The following COX5B variants were observed in gnomAD, a reference collection of about 807,000 sequenced individuals.
The protein encoded by COX5B is cytochrome c oxidase subunit 5B, mitochondrial.
COX5B carries 8 observed loss-of-function variants against 16.2 expected under a neutral mutation model. That is an observed-to-expected ratio of 0.49 (90% CI 0.29 to 0.89). COX5B has a LOEUF of 0.89. Among genes scored for constraint, COX5B ranks in the 40% least tolerant of loss-of-function variants. The probability of loss-of-function intolerance (pLI) is 0.08; values close to 1 mark genes in which losing one functional copy is unlikely to be tolerated. For missense variants in COX5B, 161 were observed against 168.7 expected (o/e 0.95, Z 0.25); for synonymous variants, 65 against 67.6 (o/e 0.96, Z 0.19).
chr2:97,646,120 C>G lies in COX5B; in HGVS notation c.34C>G (p.Leu12Val). 3.2e-6 allele frequency: 5 copies of G among 1,557,482 alleles called. No homozygotes were observed. Among genetic ancestry groups the G allele is most frequent in the Non-Finnish European group, 4.3e-6 (5 of 1,150,370 alleles). The change falls in exon 1 of 4, where the codon CTG becomes GTG. Residue 12 changes from leucine to valine, a missense_variant. Coordinates refer to ENST00000258424, the MANE Select transcript of COX5B (RefSeq NM_001862.3). ...AAGGTTACTTCGCGGAGCTGGAACG[C>G]TGGCCGCGCAGGCCCTGAGGGCTCG... ...ASRLLRGAGTLAAQALRARGP... is the reference protein window; with the variant it reads ...ASRLLRGAGTVAAQALRARGP...
chr2:97,648,036 C>G lies in COX5B; in HGVS notation c.318C>G (p.His106Gln). Residue 106 changes from histidine (H) to glutamine (Q), a missense_variant, in exon 4 of 4, where the codon CAC (histidine) becomes CAG (glutamine). Coordinates refer to ENST00000258424, the MANE Select transcript of COX5B (RefSeq NM_001862.3). ...DNTSVVWFWL[H>Q]KGEAQRCPRC... is the part of the protein sequence containing the mutation. ...CCAGCGTCGTCTGGTTTTGGCTGCA[C>G]AAAGGCGAGGCCCAGCGATGCCCCC... The G allele has an allele frequency of 6.2e-7, 1 of 1,613,828 alleles. No homozygotes were observed. The highest frequency in any genetic ancestry group is 8.5e-7 in the Non-Finnish European group (1 of 1,179,910).
Position 97,647,052 on chromosome 2 carries a change from G to C in COX5B, c.104-15G>C. On this transcript the variant is annotated splice_polypyrimidine_tract_variant and intron_variant, in intron 1 of 3. Coordinates refer to ENST00000258424, the MANE Select transcript of COX5B (RefSeq NM_001862.3). ...CATTTCAGTCAGCGTCATAATTCAC[G>C]TTATCTTCCTTTAGGTGGTGTTCCC... 6.2e-7 allele frequency: 1 copy of C among 1,613,142 alleles called. No individual in the cohort carries two copies. Among genetic ancestry groups the C allele is most frequent in the Non-Finnish European group, 8.5e-7 (1 of 1,179,210 alleles).
Position 97,648,166 on chromosome 2 carries a change from T to A in COX5B, c.*58T>A. The A allele has an allele frequency of 7.2e-7, 1 of 1,396,818 alleles. No homozygotes were observed. The highest frequency in any genetic ancestry group is 9.7e-7 in the Non-Finnish European group (1 of 1,028,936). The allele number at this position is 1,396,818 out of a possible 1,614,324, so 86.5% of individuals were successfully genotyped here. A position where few individuals can be genotyped will look rare whatever the true frequency, so the allele number is the denominator to read the frequency against. ...AAAGTTTCTTCTTTCCAGTAAAGAC[T>A]AGCCATTGCATTGGCTCCTTCTCCC... is the stretch of plus-strand genomic sequence containing the variant. On this transcript the variant is annotated 3_prime_UTR_variant, in exon 4 of 4. Transcript: ENST00000258424.
At chr2:97,646,930 A>C (rs1385393299) in intron 1 of COX5B, 137 bp from the exon 2 acceptor site, 6 of 757,644 alleles carry the variant, frequency 7.9e-6, no homozygotes, top group Non-Finnish European at 1.3e-5. Context: ...CATGGATATG[A>C]GTAGCCTTTA....
chr2:97,648,212 C>T lies in COX5B; in HGVS notation c.*104C>T. ...CTCCCATAGATGGCTGGTCTTATTT[C>T]TTACCCGTATTCTTTGGTAGGCATG... On this transcript the variant is annotated 3_prime_UTR_variant, in exon 4 of 4. Transcript: ENST00000258424. The T allele has an allele frequency of 2.1e-6, 2 of 972,654 alleles. No homozygotes were observed. The highest frequency in any genetic ancestry group is 3.3e-4 in the Middle Eastern group (1 of 2,994). The allele number at this position is 972,654 out of a possible 1,614,324, so 60.3% of individuals were successfully genotyped here. A position where few individuals can be genotyped will look rare whatever the true frequency, so the allele number is the denominator to read the frequency against.
At position 97,648,225 on chromosome 2, in the gene COX5B, T is replaced by C. The variant is rs1674691130; in HGVS notation, c.*117T>C. On this transcript the variant is annotated 3_prime_UTR_variant, in exon 4 of 4. Coordinates refer to ENST00000258424, the MANE Select transcript of COX5B (RefSeq NM_001862.3). The stretch of plus-strand genomic sequence containing the variant: ...CTGGTCTTATTTCTTACCCGTATTC[T>C]TTGGTAGGCATGGAATATGCTTATT... 5.7e-6 allele frequency: 5 copies of C among 873,384 alleles called. No individual in the cohort carries two copies. In the Admixed American group the frequency reaches 1.6e-4, roughly 28 times the overall value. 54.1% of individuals were successfully genotyped at this position (873,384 alleles called of 1,614,324 possible). A position where few individuals can be genotyped will look rare whatever the true frequency, so the allele number is the denominator to read the frequency against.
intron 1 of COX5B, chr2:97,646,583 C>T (rs1674657163): frequency 4.8e-6 from 1 of 209,430 alleles, no homozygotes. Flanking sequence ...CGCGGTGGCT[C>T]ACAACTGTAA....
chr2:97,647,961 T>C, intron 3 of COX5B, 35 bp from the exon 4 acceptor site: 3 of 1,583,078 alleles, frequency 1.9e-6, no homozygotes, highest in East Asian at 2.2e-5. Context: ...CCTTTCTAGG[T>C]TGGATGACCA....
At chr2:97,647,013 GT>G in intron 1 of COX5B, 53 bp from the exon 2 acceptor site, 1 of 1,573,916 alleles carries the variant, frequency 6.4e-7, no homozygotes, top group Admixed American at 1.7e-5. Flanking sequence ...TCTGTTTGTA[GT>G]TTTTCTATCA....
At position 97,646,154 on chromosome 2, in the gene COX5B, G is replaced by A; in HGVS notation, c.68G>A (p.Ser23Asn). ...CAGGCCCTGAGGGCTCGCGGCCCCA[G>A]TGGCGCGGCCGCGATGCGCTCCATG... ...AAQALRARGP[S>N]GAAAMRSMAS... is the part of the protein sequence containing the mutation. Residue 23 changes from serine to asparagine, a missense_variant, in exon 1 of 4, where the codon AGT (serine) becomes AAT (asparagine). Coordinates refer to ENST00000258424, the MANE Select transcript of COX5B (RefSeq NM_001862.3). The A allele has an allele frequency of 6.4e-7, 1 of 1,553,564 alleles. No individual in the cohort carries two copies. The highest frequency in any genetic ancestry group is 8.7e-7 in the Non-Finnish European group (1 of 1,148,274).
At chr2:97,646,414 G>C (rs1270468134) in intron 1 of COX5B, 1 of 538,112 alleles carries the variant, frequency 1.9e-6, no homozygotes, top group Non-Finnish European at 3.3e-6. Flanking sequence ...GAGGTGCCGG[G>C]TGACCTTGGG....
intron 3 of COX5B, 78 bp downstream of exon 3, chr2:97,647,521 G>C (rs1674680438): frequency 1.7e-6 from 2 of 1,203,476 alleles, no homozygotes; most frequent in East Asian, 4.7e-5. Context: ...CAAATCTTCA[G>C]TGTGTGAGTG....
In COX5B at chr2:97,647,977, C is replaced by T. The variant is rs752062891; in HGVS notation, c.278-19C>T. 6.2e-7 allele frequency: 1 copy of T among 1,610,050 alleles called. No individual in the cohort carries two copies. The highest frequency in any genetic ancestry group is 1.1e-5 in the South Asian group (1 of 90,318). On this transcript the variant is annotated intron_variant, in intron 3 of 3. Transcript: ENST00000258424. ...CTTTCTAGGTTGGATGACCATAAAC[C>T]ACCTTTTTTCCCTTTTAGGTGAAGA...
chr2:97,646,163 C>G lies in COX5B; in HGVS notation c.77C>G (p.Ala26Gly), dbSNP rs1436923113. 1 of 1,550,860 alleles carries G rather than the reference C, an allele frequency of 6.4e-7. No homozygotes were observed. The highest frequency in any genetic ancestry group is 2.0e-5 in the Admixed American group (1 of 51,018). ...ALRARGPSGA[A>G]AMRSMASGGG... Reference sequence around the variant, plus strand: ...AGGGCTCGCGGCCCCAGTGGCGCGGCCGCGATGCGCTCCATGGCATCTGGA... The same window carrying G: ...AGGGCTCGCGGCCCCAGTGGCGCGGGCGCGATGCGCTCCATGGCATCTGGA... Residue 26 changes from alanine to glycine, a missense_variant, in exon 1 of 4, where the codon GCC becomes GGC. Transcript: ENST00000258424.
chr2:97,646,284 G>C (rs1489260980), intron 1 of COX5B, 95 bp downstream of exon 1: 7 of 764,704 alleles, frequency 9.2e-6, no homozygotes, highest in Non-Finnish European at 1.0e-5. Flanking sequence ...AGCTTCTCGA[G>C]GTCCCAGTGG....
chr2:97,647,012 A>T (rs1674669582), intron 1 of COX5B, 55 bp from the exon 2 acceptor site: 1 of 1,562,342 alleles, frequency 6.4e-7, no homozygotes, highest in Non-Finnish European at 8.8e-7. Context: ...TTCTGTTTGT[A>T]GTTTTTCTAT....
intron 1 of COX5B, chr2:97,646,651 C>T: frequency 4.8e-6 from 1 of 209,820 alleles, no homozygotes; most frequent in Non-Finnish European, 9.8e-6. Flanking sequence ...AGCTCAAGAC[C>T]AGCCTGGCCA....
Position 97,648,065 on chromosome 2 carries a change from G to A in COX5B, c.347G>A (p.Cys116Tyr). Residue 116 changes from cysteine to tyrosine, a missense_variant, in exon 4 of 4, where the codon TGT (cysteine) becomes TAT (tyrosine). By Grantham distance (194) the Cys-to-Tyr change is radical (BLOSUM62 -2). Transcript: ENST00000258424. ...HKGEAQRCPR[C>Y]GAHYKLVPQQ... ...GGCGAGGCCCAGCGATGCCCCCGCT[G>A]TGGAGCCCATTACAAGCTGGTGCCC... The A allele has an allele frequency of 6.2e-7, 1 of 1,612,934 alleles. No homozygotes were observed. The highest frequency in any genetic ancestry group is 8.5e-7 in the Non-Finnish European group (1 of 1,179,520).
intron 3 of COX5B, 109 bp from the exon 4 acceptor site, chr2:97,647,887 T>C: frequency 2.1e-6 from 2 of 935,918 alleles, no homozygotes; most frequent in South Asian, 1.5e-5. Context: ...TCTTAAGATA[T>C]CAACCATAGT....
Sources: gnomAD v4.1 joint callset for allele counts on GRCh38, gnomAD v4.1.1 for gene constraint, MANE v1.5 for transcripts, NCBI Gene and HGNC (gene_info 2026-07-23, HGNC 2026-07-21) for gene names.